The following ZBTB7C variants were observed in gnomAD, a reference collection of about 807,000 sequenced individuals.
ZBTB7C encodes the protein zinc finger and BTB domain containing 7C.
ZBTB7C carries 8 observed loss-of-function variants against 25.7 expected under a neutral mutation model. That is an observed-to-expected ratio of 0.31 (90% CI 0.18 to 0.56). The LOEUF is 0.56. Ranked by LOEUF, ZBTB7C falls within the 20% of genes least tolerant of loss-of-function variation. The probability of loss-of-function intolerance (pLI) is 0.91; values close to 1 mark genes in which losing one functional copy is unlikely to be tolerated. For missense variants in ZBTB7C, 824 were observed against 855.2 expected, an observed-to-expected ratio of 0.96 and a Z score of 0.46; for synonymous variants, 394 against 369.0, an observed-to-expected ratio of 1.07 and a Z score of -0.78.
At chr18:48,315,049 A>G (rs565792520) in intron 2 of ZBTB7C, among the ~76,000 whole-genome samples, 46 of 152,300 alleles carry the variant, frequency 3.0e-4, no homozygotes, top group Non-Finnish European at 6.3e-4. Flanking sequence ...CGGGCTGTCA[A>G]AGCCTACCCC....
chr18:48,147,430 T>C (rs11663233), intron 3 of ZBTB7C, among the ~76,000 whole-genome samples: 26,130 of 152,080 alleles, frequency 0.17, 2,365 homozygotes, highest in South Asian at 0.24. Context: ...GATTTCCAAA[T>C]CTCTGGTGGA....
intron 1 of ZBTB7C, among the ~76,000 whole-genome samples, chr18:48,367,190 TATATATATATATACACACACAC>T (rs1323957213): frequency 1.0e-4 from 7 of 68,544 alleles, no homozygotes; most frequent in Admixed American, 3.2e-4. Context: ...TATATATATA[TATATATATATATACACACACAC>T]ACACACACAC....
intron 3 of ZBTB7C, among the ~76,000 whole-genome samples, chr18:48,054,297 A>C (rs765968632): frequency 1.3e-5 from 2 of 152,194 alleles, no homozygotes; most frequent in Non-Finnish European, 2.9e-5. Context: ...GGAACCAGTT[A>C]GGAGATTGTA....
At chr18:48,151,755 C>T (rs1367146311) in intron 3 of ZBTB7C, among the ~76,000 whole-genome samples, 1 of 152,176 alleles carries the variant, frequency 6.6e-6, no homozygotes, top group Admixed American at 6.5e-5. Context: ...GTGACTTCAC[C>T]CCCTGAACTA....
intron 2 of ZBTB7C, among the ~76,000 whole-genome samples, chr18:48,214,541 C>T (rs1438201466): frequency 6.6e-6 from 1 of 152,220 alleles, no homozygotes; most frequent in African/African-American, 2.4e-5. Flanking sequence ...CCTACCAAAA[C>T]CAAGATGGCC....
At chr18:48,337,070 C>T (rs2046473373) in intron 2 of ZBTB7C, among the ~76,000 whole-genome samples, 1 of 152,222 alleles carries the variant, frequency 6.6e-6, no homozygotes, top group Non-Finnish European at 1.5e-5. Context: ...GCTCAGCTTT[C>T]TAGATTCCTT....
At position 48,232,030 on chromosome 18, in the gene ZBTB7C, C is replaced by T. The variant is rs148238715; in HGVS notation, c.-78-46035G>A. On this transcript the variant is annotated intron_variant, in intron 2 of 4. Coordinates refer to ENST00000590800, the MANE Select transcript of ZBTB7C (RefSeq NM_001318841.2). ...TGCTCACATACCCCTCGCTGCTCCA[C>T]ACCTGGCTCATCCTTGGCAGGCGTG... Among the ~76,000 whole-genome samples the T allele has an allele frequency of 6.6e-5, 10 of 152,368 alleles. No individual in the cohort carries two copies. In the East Asian group the frequency reaches 1.9e-3, roughly 29 times the overall value.
At chr18:48,180,112 TTTCCTTCCTTCC>T (rs71165315) in intron 3 of ZBTB7C, among the ~76,000 whole-genome samples, 6 of 52,088 alleles carry the variant, frequency 1.2e-4, no homozygotes, top group Admixed American at 5.1e-4. Flanking sequence ...CCTTCCTTCC[TTTCCTTCCTTCC>T]TTCCTTCCTT....
intron 3 of ZBTB7C, chr18:48,150,406 ACT>A (rs1208126570): frequency 6.6e-6 from 1 of 151,936 alleles, no homozygotes; most frequent in African/African-American, 2.4e-5. Flanking sequence ...ACATGGCAAA[ACT>A]CTGTCTCTAC....
At chr18:48,078,940 T>A (rs186546568) in intron 3 of ZBTB7C, among the ~76,000 whole-genome samples, 1 of 152,250 alleles carries the variant, frequency 6.6e-6, no homozygotes, top group African/African-American at 2.4e-5. Flanking sequence ...ATTTGTTCAT[T>A]CATTCATTCA....
At chr18:48,346,018 GACAACTGA>G (rs1013769467) in intron 1 of ZBTB7C, among the ~76,000 whole-genome samples, 3 of 152,174 alleles carry the variant, frequency 2.0e-5, no homozygotes, top group Admixed American at 6.5e-5. Flanking sequence ...CGATTTTCTA[GACAACTGA>G]ACAACTGAAC....
At chr18:48,190,733 G>A (rs1221062751) in intron 2 of ZBTB7C, among the ~76,000 whole-genome samples, 1 of 152,174 alleles carries the variant, frequency 6.6e-6, no homozygotes, top group Admixed American at 6.5e-5. Flanking sequence ...AGAGAGGCAG[G>A]CCCTGAGCTG....
chr18:48,247,039 T>C (rs1456791283), intron 2 of ZBTB7C, among the ~76,000 whole-genome samples: 1 of 152,214 alleles, frequency 6.6e-6, no homozygotes, highest in East Asian at 1.9e-4. Context: ...AGGGGTTCTA[T>C]TAATATGCTA....
chr18:48,169,930 C>T (rs1354901071), intron 3 of ZBTB7C: 1 of 152,400 alleles, frequency 6.6e-6, no homozygotes, highest in Non-Finnish European at 1.5e-5. Context: ...TCTGTTCTCT[C>T]TGTTATGAGG....
Position 48,029,130 on chromosome 18 carries a change from T to G in ZBTB7C, c.*130A>C, listed in dbSNP as rs1872705475. 2.4e-6 allele frequency: 3 copies of G among 1,234,222 alleles called. No homozygotes were observed. Among genetic ancestry groups the G allele is most frequent in the South Asian group, 1.5e-5 (1 of 66,976 alleles). 76.5% of individuals were successfully genotyped at this position (1,234,222 alleles called of 1,614,324 possible). A position where few individuals can be genotyped will look rare whatever the true frequency, so the allele number is the denominator to read the frequency against. ...CCCGGGAAAATGCCATCACTGATAG[T>G]ATTATTATTATTTTCCCATTTTCCC... is the stretch of plus-strand genomic sequence containing the variant. On this transcript the variant is annotated 3_prime_UTR_variant, in exon 5 of 5. Coordinates refer to ENST00000590800, the MANE Select transcript of ZBTB7C (RefSeq NM_001318841.2).
intron 1 of ZBTB7C, among the ~76,000 whole-genome samples, chr18:48,359,212 C>A (rs989240106): frequency 2.0e-5 from 3 of 152,168 alleles, no homozygotes; most frequent in African/African-American, 4.8e-5. Flanking sequence ...TGAACTCACA[C>A]GCACAGCCAC....
chr18:48,265,259 T>C (rs2044278450), intron 2 of ZBTB7C, among the ~76,000 whole-genome samples: 1 of 152,230 alleles, frequency 6.6e-6, no homozygotes. Context: ...ATTGTCTTTG[T>C]TGTGTTTAGG....
chr18:48,271,803 A>G (rs953314773), intron 2 of ZBTB7C, among the ~76,000 whole-genome samples: 1 of 152,046 alleles, frequency 6.6e-6, no homozygotes, highest in African/African-American at 2.4e-5. Context: ...GTAAATTAGG[A>G]ATAGAAAATA....
At chr18:48,167,217 T>A (rs1329280289) in intron 3 of ZBTB7C, among the ~76,000 whole-genome samples, 1 of 152,090 alleles carries the variant, frequency 6.6e-6, no homozygotes, top group Non-Finnish European at 1.5e-5. Context: ...AAGTGATCTC[T>A]CACAACCGCC....
Sources: allele counts gnomAD v4.1 joint callset (sites outside exome capture counted in the v4.1 genomes callset), GRCh38; gene constraint gnomAD v4.1.1; transcripts MANE v1.5; gene names NCBI Gene and HGNC (gene_info 2026-07-23, HGNC 2026-07-21).